Variants in SEC13 observed in about 807,000 individuals in gnomAD.
SEC13 encodes protein SEC13 homolog.
In SEC13, 25 loss-of-function variants were observed where a neutral mutation model predicts 49.2. The ratio of observed to expected loss-of-function variants is 0.51; its 90% CI spans 0.37 to 0.71. The LOEUF is 0.71. Among genes scored for constraint, SEC13 ranks in the 30% least tolerant of loss-of-function variants. The probability of loss-of-function intolerance (pLI) is 0.00; values close to 1 mark genes in which losing one functional copy is unlikely to be tolerated. For synonymous variants in SEC13, 148 were observed against 163.9 expected, an observed-to-expected ratio of 0.90 and a Z score of 0.74; for missense variants, 383 against 417.6, an observed-to-expected ratio of 0.92 and a Z score of 0.72.
chr3:10,310,357 G>A (rs1204115164), intron 5 of SEC13, among the ~76,000 whole-genome samples: 1 of 152,090 alleles, frequency 6.6e-6, no homozygotes, highest in Non-Finnish European at 1.5e-5. Flanking sequence ...CGGGTGTTGT[G>A]GCGTGTGCCT....
intron 8 of SEC13, 91 bp from the exon 9 acceptor site, chr3:10,301,465 C>T: frequency 2.6e-6 from 4 of 1,530,682 alleles, no homozygotes; most frequent in Non-Finnish European, 3.6e-6. Flanking sequence ...TCAAGAACCA[C>T]TGCCCAGAGG....
At position 10,320,006 on chromosome 3, in the gene SEC13, G is replaced by GGAGAGAGA. The variant is rs59019332; in HGVS notation, c.3+1036_3+1043dup. 5.8e-5 allele frequency among the ~76,000 whole-genome samples: 6 copies of GGAGAGAGA among 103,204 alleles called. No individual in the cohort carries two copies. In the East Asian group the frequency reaches 1.6e-3, roughly 27 times the overall value. 67.7% of individuals were successfully genotyped at this position (103,204 alleles called of 152,430 possible). A position where few individuals can be genotyped will look rare whatever the true frequency, so the allele number is the denominator to read the frequency against. On this transcript the variant is annotated intron_variant, in intron 1 of 8. Transcript: ENST00000350697. ...GGGAGTGGGGAGAGAGGGAGGGTGG[G>GGAGAGAGA]GAGAGAGAGAGAGAGAGAGAGAACT...
intron 5 of SEC13, among the ~76,000 whole-genome samples, chr3:10,311,081 G>T (rs551420670): frequency 1.3e-5 from 2 of 150,912 alleles, no homozygotes; most frequent in African/African-American, 4.9e-5. Flanking sequence ...TGGAGTCTGT[G>T]TGTTCTCCCT....
intron 8 of SEC13, among the ~76,000 whole-genome samples, chr3:10,302,233 A>T (rs1298425693): frequency 6.6e-6 from 1 of 152,214 alleles, no homozygotes; most frequent in Non-Finnish European, 1.5e-5. Context: ...GCGAGACTCG[A>T]TCTCAAAAAA....
intron 4 of SEC13, 24 bp downstream of exon 4, chr3:10,312,555 G>A (rs749788616): frequency 2.2e-5 from 35 of 1,612,746 alleles, no homozygotes; most frequent in Middle Eastern, 1.6e-4. Context: ...CCCCTTGCCC[G>A]CTCTGCTGCC....
chr3:10,311,184 G>T (rs943801596), intron 5 of SEC13, among the ~76,000 whole-genome samples: 9 of 152,156 alleles, frequency 5.9e-5, no homozygotes, highest in East Asian at 1.9e-4. Context: ...CATTGTCCCA[G>T]TGTGAGTGTG....
At chr3:10,302,984 CACATTCACA>C (rs1485875694) in intron 8 of SEC13, among the ~76,000 whole-genome samples, 3 of 152,226 alleles carry the variant, frequency 2.0e-5, no homozygotes, top group Non-Finnish European at 4.4e-5. Context: ...CTAGAGCAGT[CACATTCACA>C]TAGACAGAAA....
intron 5 of SEC13, chr3:10,311,611 A>T: frequency 9.3e-7 from 1 of 1,075,866 alleles, no homozygotes; most frequent in Non-Finnish European, 1.1e-6. Context: ...TGCATAGCTC[A>T]CATACTTTTT....
intron 5 of SEC13, among the ~76,000 whole-genome samples, chr3:10,310,771 T>G (rs1319640947): frequency 1.3e-5 from 2 of 152,204 alleles, no homozygotes; most frequent in African/African-American, 4.8e-5. Context: ...CAAAAACTTA[T>G]CTGCAAATGT....
chr3:10,317,898 C>G, intron 2 of SEC13, 152 bp downstream of exon 2: 1 of 585,272 alleles, frequency 1.7e-6, no homozygotes, highest in South Asian at 2.2e-5. Context: ...CCTGCCATAC[C>G]CCGAGATTAC....
intron 1 of SEC13, among the ~76,000 whole-genome samples, chr3:10,318,919 CT>C (rs1424179141): frequency 6.6e-6 from 1 of 152,232 alleles, no homozygotes; most frequent in Non-Finnish European, 1.5e-5. Context: ...AGGTGAGCTC[CT>C]TGGAGCCATG....
intron 8 of SEC13, among the ~76,000 whole-genome samples, chr3:10,303,104 C>T (rs1700642986): frequency 6.6e-6 from 1 of 152,168 alleles, no homozygotes; most frequent in South Asian, 2.1e-4. Context: ...TTCTGGAGAC[C>T]AGCTGCTTCT....
chr3:10,303,637 T>C (rs1196508923), intron 8 of SEC13: 6 of 286,796 alleles, frequency 2.1e-5, no homozygotes, highest in Admixed American at 4.7e-5. Context: ...TTCAGTGTTA[T>C]GGACAAAAAA....
intron 2 of SEC13, among the ~76,000 whole-genome samples, chr3:10,316,705 A>G (rs1405200148): frequency 1.3e-5 from 2 of 152,202 alleles, no homozygotes; most frequent in South Asian, 2.1e-4. Flanking sequence ...AACAGTTGTT[A>G]TGAAGGTTAA....
chr3:10,303,742 G>A (rs898859198), intron 8 of SEC13: 5 of 482,140 alleles, frequency 1.0e-5, no homozygotes, highest in Non-Finnish European at 7.6e-6. Flanking sequence ...ATGCTTAGTA[G>A]GGTGATGGGC....
intron 7 of SEC13, among the ~76,000 whole-genome samples, chr3:10,304,628 A>G (rs146452917): frequency 6.6e-6 from 1 of 152,332 alleles, no homozygotes; most frequent in African/African-American, 2.4e-5. Flanking sequence ...GTGGTGGTGT[A>G]TAACTGAAGG....
chr3:10,311,998 T>C lies in SEC13; in HGVS notation c.417A>G (p.Gln139=). The C allele has an allele frequency of 6.2e-7, 1 of 1,614,170 alleles. No homozygotes were observed. The highest frequency in any genetic ancestry group is 8.5e-7 in the Non-Finnish European group (1 of 1,180,026). The change falls in exon 5 of 9, where the codon CAA becomes CAG. Residue 139 remains glutamine (Q), a synonymous_variant. Transcript: ENST00000350697. ...ISLLTYTGEG[Q]WEVKKINNAH... is the part of the protein sequence containing the mutation. ...CGTTGTTGATCTTCTTTACTTCCCA[T>C]TGGCCTTCCCCGGTGTAAGTCAGCA...
chr3:10,312,464 C>CTCAAGAGA, intron 4 of SEC13, 115 bp downstream of exon 4: 1 of 1,316,210 alleles, frequency 7.6e-7, no homozygotes, highest in Non-Finnish European at 1.0e-6. Flanking sequence ...CCAACCAAAG[C>CTCAAGAGA]TCAAGAGACA....
chr3:10,304,255 C>T lies in SEC13; in HGVS notation c.709-83G>A. The T allele has an allele frequency of 9.1e-6, 13 of 1,426,940 alleles. 1 individual carries two copies. In the South Asian group the frequency reaches 1.6e-4, roughly 17 times the overall value. The allele number at this position is 1,426,940 out of a possible 1,614,324, so 88.4% of individuals were successfully genotyped here. A position where few individuals can be genotyped will look rare whatever the true frequency, so the allele number is the denominator to read the frequency against. ...TGATGTCCTCCCAGTCTAGAGCCAC[C>T]CGGCACCTCTCTGCAGGAACAGGGT... On this transcript the variant is annotated intron_variant, in intron 7 of 8. Coordinates refer to ENST00000350697, the MANE Select transcript of SEC13 (RefSeq NM_183352.3).
Sources: allele counts gnomAD v4.1 joint callset (sites outside exome capture counted in the v4.1 genomes callset), GRCh38; gene constraint gnomAD v4.1.1; transcripts MANE v1.5; gene names NCBI Gene and HGNC (gene_info 2026-07-23, HGNC 2026-07-21).